The following CACNA2D1 variants were observed in gnomAD, a reference collection of about 807,000 sequenced individuals.
CACNA2D1 encodes calcium voltage-gated channel auxiliary subunit alpha2delta 1.
A neutral mutation model predicts 171.5 loss-of-function variants in CACNA2D1; 53 were observed. The observed-to-expected ratio is 0.31, with a 90% CI of 0.25 to 0.39. The LOEUF (loss-of-function observed/expected upper bound fraction) is 0.39. CACNA2D1 is among the 10% of genes least tolerant of loss of function. The pLI is 1.00. For missense variants in CACNA2D1, 903 were observed against 1,299.8 expected, an observed-to-expected ratio of 0.69 and a Z score of 4.69; for synonymous variants, 442 against 443.1, an observed-to-expected ratio of 1.00 and a Z score of 0.03.
At chr7:82,204,849 T>C (rs548739920) in intron 3 of CACNA2D1, among the ~76,000 whole-genome samples, 1 of 152,268 alleles carries the variant, frequency 6.6e-6, no homozygotes, top group East Asian at 1.9e-4. Context: ...GGATATGCTG[T>C]GGTCAAGAAT....
intron 3 of CACNA2D1, among the ~76,000 whole-genome samples, chr7:82,281,559 C>CA (rs973364038): frequency 2.6e-5 from 4 of 152,112 alleles, no homozygotes; most frequent in Non-Finnish European, 5.9e-5. Context: ...AACATTATGC[C>CA]AAAAAAATTC....
At chr7:82,149,083 C>T (rs1475579784) in intron 4 of CACNA2D1, among the ~76,000 whole-genome samples, 2 of 152,176 alleles carry the variant, frequency 1.3e-5, no homozygotes, top group Non-Finnish European at 2.9e-5. Flanking sequence ...TTCCCTGCCT[C>T]AGTCTGTGTA....
At chr7:82,090,239 C>T (rs1260610509) in intron 6 of CACNA2D1, among the ~76,000 whole-genome samples, 1 of 152,060 alleles carries the variant, frequency 6.6e-6, no homozygotes, top group Admixed American at 6.6e-5. Context: ...TCTTTTAAAA[C>T]TGAATCTTTG....
rs369685816 is a variant in CACNA2D1, at chr7:82,065,810, A to G, written c.728+645T>C. Reference sequence around the variant, plus strand: ...ATATGAAAAGTGTGGGATACAAAGCACTTATACTGTATATGTGAACTCATT... The same window carrying G: ...ATATGAAAAGTGTGGGATACAAAGCGCTTATACTGTATATGTGAACTCATT... On this transcript the variant is annotated intron_variant, in intron 8 of 38. Transcript: ENST00000356860. Among the ~76,000 whole-genome samples the G allele has an allele frequency of 4.6e-5, 7 of 152,206 alleles. No homozygotes were observed. In the East Asian group the frequency reaches 1.3e-3, roughly 29 times the overall value.
intron 3 of CACNA2D1, among the ~76,000 whole-genome samples, chr7:82,171,985 G>GATTT (rs59940134): frequency 0.064 from 9,747 of 151,956 alleles, 652 homozygotes; most frequent in African/African-American, 0.17. Context: ...CTATCCCTGT[G>GATTT]ATTATAATCT....
intron 12 of CACNA2D1, 52 bp downstream of exon 12, chr7:82,032,745 A>T: frequency 9.4e-7 from 1 of 1,063,202 alleles, no homozygotes; most frequent in Non-Finnish European, 1.4e-6. Flanking sequence ...CTATCTCTTT[A>T]AAAACCACCT....
chr7:82,127,244 C>T (rs1790434062), intron 5 of CACNA2D1, among the ~76,000 whole-genome samples: 1 of 152,222 alleles, frequency 6.6e-6, no homozygotes. Flanking sequence ...CATCCAATCC[C>T]ATTAGATGAA....
intron 3 of CACNA2D1, among the ~76,000 whole-genome samples, chr7:82,292,979 A>AT (rs1217039080): frequency 1.3e-5 from 2 of 151,900 alleles, no homozygotes; most frequent in Middle Eastern, 3.4e-3. Flanking sequence ...CTTCCCCTTG[A>AT]TTTTTTTTCT....
chr7:82,235,143 C>CT (rs797010818), intron 3 of CACNA2D1, among the ~76,000 whole-genome samples: 41 of 151,914 alleles, frequency 2.7e-4, no homozygotes, highest in East Asian at 7.7e-4. Flanking sequence ...AAATTATGTT[C>CT]TTTTTTTTTA....
intron 3 of CACNA2D1, among the ~76,000 whole-genome samples, chr7:82,259,425 G>A (rs996234603): frequency 2.0e-5 from 3 of 151,940 alleles, no homozygotes; most frequent in African/African-American, 7.2e-5. Flanking sequence ...TACCTCATTC[G>A]TGTCACATTT....
At chr7:82,058,637 A>G (rs1444260612) in intron 10 of CACNA2D1, among the ~76,000 whole-genome samples, 1 of 152,174 alleles carries the variant, frequency 6.6e-6, no homozygotes, top group Non-Finnish European at 1.5e-5. Flanking sequence ...CTTATGCAGT[A>G]TCAAGTTTTA....
At chr7:82,124,860 A>G (rs1790148603) in intron 5 of CACNA2D1, among the ~76,000 whole-genome samples, 1 of 152,210 alleles carries the variant, frequency 6.6e-6, no homozygotes, top group African/African-American at 2.4e-5. Flanking sequence ...CTAAAAGTGT[A>G]AAATAAAAGT....
chr7:82,157,240 GA>G (rs1241527661), intron 4 of CACNA2D1, among the ~76,000 whole-genome samples: 1 of 151,996 alleles, frequency 6.6e-6, no homozygotes, highest in African/African-American at 2.4e-5. Context: ...AGAATACTGT[GA>G]AAAGAAACAA....
At chr7:82,352,691 T>C (rs1819994061) in intron 1 of CACNA2D1, among the ~76,000 whole-genome samples, 1 of 152,208 alleles carries the variant, frequency 6.6e-6, no homozygotes, top group Non-Finnish European at 1.5e-5. Flanking sequence ...CAATGCTTAG[T>C]AAGTAGTGGT....
At chr7:82,192,618 A>G (rs1798449108) in intron 3 of CACNA2D1, among the ~76,000 whole-genome samples, 1 of 151,652 alleles carries the variant, frequency 6.6e-6, no homozygotes, top group Admixed American at 6.6e-5. Flanking sequence ...TAAGAATTCA[A>G]GATGTGTAAG....
chr7:82,230,695 C>A (rs1469923924), intron 3 of CACNA2D1, among the ~76,000 whole-genome samples: 2 of 152,106 alleles, frequency 1.3e-5, no homozygotes, highest in Admixed American at 6.6e-5. Flanking sequence ...CTACAAAAAA[C>A]CAACATTGCA....
At position 81,987,066 on chromosome 7, in the gene CACNA2D1, C is replaced by T. The variant is rs1179493172; in HGVS notation, c.1797-2355G>A. Among the ~76,000 whole-genome samples, 7 of 152,036 alleles carry T rather than the reference C, an allele frequency of 4.6e-5. No individual in the cohort carries two copies. In the East Asian group the frequency reaches 1.3e-3, roughly 29 times the overall value. ...ATACCATAAATATAGTATGGAAACC[C>T]ATGAGGAAGAAAAGAGAAGTTTTAA... On this transcript the variant is annotated intron_variant, in intron 21 of 38. Coordinates refer to ENST00000356860, the MANE Select transcript of CACNA2D1 (RefSeq NM_000722.4).
chr7:82,335,582 G>A (rs1817901372), intron 2 of CACNA2D1, among the ~76,000 whole-genome samples: 1 of 152,092 alleles, frequency 6.6e-6, no homozygotes, highest in Non-Finnish European at 1.5e-5. Flanking sequence ...AAGAGAAAGG[G>A]TAGCCATCCT....
At chr7:81,952,558 T>C (rs188086662) in intron 38 of CACNA2D1, among the ~76,000 whole-genome samples, 2 of 152,284 alleles carry the variant, frequency 1.3e-5, no homozygotes, top group Admixed American at 1.3e-4. Flanking sequence ...TTGACAAATA[T>C]ATGACATTGT....
Sources: gnomAD v4.1 joint callset for allele counts (sites outside exome capture counted in the v4.1 genomes callset) on GRCh38, gnomAD v4.1.1 for gene constraint, MANE v1.5 for transcripts, NCBI Gene and HGNC (gene_info 2026-07-23, HGNC 2026-07-21) for gene names.